POLI: variants seen among roughly 807,000 people sequenced by gnomAD.
POLI encodes the protein DNA polymerase iota, also known as RAD30 homolog B.
In POLI, 58 loss-of-function variants were observed where a neutral mutation model predicts 51.6. The ratio of observed to expected loss-of-function variants is 1.12; its 90% confidence interval spans 0.91 to 1.40. POLI has a LOEUF of 1.40. Among genes scored for constraint, POLI ranks in the 40% most tolerant of loss-of-function variants. The probability of loss-of-function intolerance (pLI) is 0.00; values close to 1 mark genes in which losing one functional copy is unlikely to be tolerated. For synonymous variants in POLI, 322 were observed against 299.7 expected, an observed-to-expected ratio of 1.07 and a Z score of -0.77; for missense variants, 921 against 871.3, an observed-to-expected ratio of 1.06 and a Z score of -0.72.
intron 5 of POLI, 113 bp from the exon 6 acceptor site, chr18:54,282,724 A>G (rs2087560853): frequency 4.8e-6 from 3 of 629,576 alleles, no homozygotes; most frequent in South Asian, 2.5e-5. Flanking sequence ...AGGGGGGACT[A>G]CTGTATAAAT....
chr18:54,286,324 A>C (rs2087739631), intron 7 of POLI, among the ~76,000 whole-genome samples: 1 of 152,190 alleles, frequency 6.6e-6, no homozygotes, highest in Non-Finnish European at 1.5e-5. Flanking sequence ...TACTTAAGTG[A>C]ATTTGTCATA....
chr18:54,319,176 A>G (rs189502320), intron 3 of POLI, among the ~76,000 whole-genome samples: 2 of 152,350 alleles, frequency 1.3e-5, no homozygotes, highest in African/African-American at 4.8e-5. Context: ...TTATTAGGCC[A>G]TCATATCAGA....
intron 3 of POLI, among the ~76,000 whole-genome samples, chr18:54,319,179 A>T (rs2088766871): frequency 6.6e-6 from 1 of 152,208 alleles, no homozygotes. Context: ...TTAGGCCATC[A>T]TATCAGATCT....
At chr18:54,300,982 T>C (rs920488484), downstream of POLI, among the ~76,000 whole-genome samples, 2 of 152,100 alleles carry the variant, frequency 1.3e-5, no homozygotes, top group African/African-American at 2.4e-5. Context: ...TCCACAATTG[T>C]AGTTAAGAGA....
At chr18:54,298,647 A>G (rs1171290918), downstream of POLI, among the ~76,000 whole-genome samples, 4 of 145,552 alleles carry the variant, frequency 2.7e-5, no homozygotes, top group Non-Finnish European at 6.0e-5. Flanking sequence ...TTGGAGTGCA[A>G]AGGTGTGATC....
chr18:54,303,042 C>A (rs1475481311), downstream of POLI, among the ~76,000 whole-genome samples: 1 of 152,178 alleles, frequency 6.6e-6, no homozygotes, highest in Non-Finnish European at 1.5e-5. Context: ...TTGTGGATGT[C>A]CAGTATTTGT....
intron 2 of POLI, among the ~76,000 whole-genome samples, 180 bp from the exon 3 acceptor site, chr18:54,273,746 A>G (rs2087114063): frequency 1.3e-5 from 2 of 152,100 alleles, no homozygotes; most frequent in South Asian, 4.1e-4. Context: ...TTGAAAACCT[A>G]ATGTTTCTGC....
chr18:54,305,706 CAG>C (rs1398419894), intron 3 of POLI, among the ~76,000 whole-genome samples: 1 of 151,334 alleles, frequency 6.6e-6, no homozygotes. Flanking sequence ...CATCTGCAAA[CAG>C]GGACAATTTG....
chr18:54,289,341 C>T (rs1271815530), intron 8 of POLI, among the ~76,000 whole-genome samples: 1 of 151,926 alleles, frequency 6.6e-6, no homozygotes, highest in Non-Finnish European at 1.5e-5. Context: ...CTACCTCTGC[C>T]AGTGGATAAG....
At position 54,295,980 on chromosome 18, in the gene POLI, T is replaced by A. The variant is rs2088309125; in HGVS notation, c.*1513T>A. 2.0e-6 allele frequency: 2 copies of A among 985,144 alleles called. No individual in the cohort carries two copies. Among genetic ancestry groups the A allele is most frequent in the Non-Finnish European group, 2.4e-6 (2 of 829,814 alleles). The allele number at this position is 985,144 out of a possible 1,614,324, so 61.0% of individuals were successfully genotyped here. The stretch of plus-strand genomic sequence containing the variant: ...GATTCCTTGGAATTTGAAAATATGC[T>A]AACACGAAGGATTGTAAATAGGTAG... On this transcript the variant is annotated 3_prime_UTR_variant, in exon 10 of 10. Coordinates refer to ENST00000579534, the MANE Select transcript of POLI (RefSeq NM_007195.3).
In POLI at chr18:54,294,130, T is replaced by C. The variant is rs774850561; in HGVS notation, c.1886T>C (p.Leu629Ser). ...KDYSYYLDNR[L>S]KDERISQGPK... Reference sequence around the variant, plus strand: ...TATTCATATTATTTAGATAATAGATTAAAAGATGAACGAATAAGTCAAGGA... The same window carrying C: ...TATTCATATTATTTAGATAATAGATCAAAAGATGAACGAATAAGTCAAGGA... The change falls in exon 10 of 10, where the codon TTA becomes TCA. Residue 629 changes from leucine to serine, a missense_variant. Transcript: ENST00000579534. The C allele has an allele frequency of 1.9e-6, 3 of 1,609,442 alleles. No individual in the cohort carries two copies. In the South Asian group the frequency reaches 3.3e-5, roughly 18 times the overall value.
rs1199283430 is a variant in POLI, at chr18:54,295,850, A to G, written c.*1383A>G. 5 of 482,502 alleles carry G rather than the reference A, an allele frequency of 1.0e-5. No homozygotes were observed. Among genetic ancestry groups the G allele is most frequent in the Non-Finnish European group, 1.1e-5 (4 of 370,870 alleles). The allele number at this position is 482,502 out of a possible 1,614,324, so 29.9% of individuals were successfully genotyped here. A position where few individuals can be genotyped will look rare whatever the true frequency, so the allele number is the denominator to read the frequency against. ...ACCATATTGGCCAGGCTGGTCTCGA[A>G]CTCCTGGTCTCAGGTGATCCTCCAC... is the stretch of plus-strand genomic sequence containing the variant. On this transcript the variant is annotated 3_prime_UTR_variant, in exon 10 of 10. Transcript: ENST00000579534.
rs908220867 is a variant in POLI, at chr18:54,294,606, C to G, written c.*139C>G. ...GTTCCAGATAAAGCAAGAATAGTTG[C>G]AAGAAGTAAATTCTGGCACAAAGCG... On this transcript the variant is annotated 3_prime_UTR_variant, in exon 10 of 10. Coordinates refer to ENST00000579534, the MANE Select transcript of POLI (RefSeq NM_007195.3). 1.0e-5 allele frequency: 13 copies of G among 1,295,140 alleles called. No individual in the cohort carries two copies. The Admixed American group carries it at 1.1e-4, about 11-fold the overall frequency. The allele number at this position is 1,295,140 out of a possible 1,614,324, so 80.2% of individuals were successfully genotyped here.
intron 3 of POLI, among the ~76,000 whole-genome samples, chr18:54,276,224 AAGTT>A (rs777136331): frequency 3.8e-4 from 58 of 152,058 alleles, no homozygotes; most frequent in Non-Finnish European, 7.7e-4. Context: ...AAAAAAAAAA[AAGTT>A]AGCTGGTAGC....
At chr18:54,312,131 C>T (rs1031760995) in intron 3 of POLI, among the ~76,000 whole-genome samples, 14 of 152,172 alleles carry the variant, frequency 9.2e-5, no homozygotes, top group South Asian at 2.1e-4. Context: ...TCCCCCCCAG[C>T]GTCTGTTGTT....
intron 4 of POLI, among the ~76,000 whole-genome samples, chr18:54,278,608 C>T (rs778857832): frequency 1.3e-5 from 2 of 152,216 alleles, no homozygotes; most frequent in African/African-American, 4.8e-5. Context: ...CCTATTTAAT[C>T]TGTTCAAATA....
At chr18:54,271,556 C>A in intron 2 of POLI, 71 bp downstream of exon 2, 1 of 1,057,088 alleles carries the variant, frequency 9.5e-7, no homozygotes, top group Non-Finnish European at 1.4e-6. Context: ...TCATTATATA[C>A]TGATTTATTA....
chr18:54,314,144 G>A (rs2088702827), intron 3 of POLI, among the ~76,000 whole-genome samples: 1 of 152,006 alleles, frequency 6.6e-6, no homozygotes, highest in African/African-American at 2.4e-5. Context: ...GTTTGTTGAG[G>A]GCTTTTATCA....
Position 54,296,274 on chromosome 18 carries a change from A to G in POLI, c.*1807A>G, listed in dbSNP as rs1599257286. On this transcript the variant is annotated 3_prime_UTR_variant, in exon 10 of 10. Coordinates refer to ENST00000579534, the MANE Select transcript of POLI (RefSeq NM_007195.3). ...AGTAAATGGTTTTGGCCAGCTTAAA[A>G]AGAGAAAGCAAAATAGTTAAAAATA... is the stretch of plus-strand genomic sequence containing the variant. The G allele has an allele frequency of 1.0e-6, 1 of 985,326 alleles. No individual in the cohort carries two copies. The highest frequency in any genetic ancestry group is 6.1e-5 in the Admixed American group (1 of 16,264). 61.0% of individuals were successfully genotyped at this position (985,326 alleles called of 1,614,324 possible). A position where few individuals can be genotyped will look rare whatever the true frequency, so the allele number is the denominator to read the frequency against.
Sources: gnomAD v4.1 joint callset for allele counts (sites outside exome capture counted in the v4.1 genomes callset) on GRCh38, gnomAD v4.1.1 for gene constraint, MANE v1.5 for transcripts, NCBI Gene and HGNC (gene_info 2026-07-23, HGNC 2026-07-21) for gene names.